The following SMIM14 variants were observed in gnomAD, a reference collection of about 807,000 sequenced individuals.
SMIM14 encodes the protein chromosome 4 open reading frame 34.
A neutral mutation model predicts 12.6 loss-of-function variants in SMIM14; 5 were observed. That is an observed-to-expected ratio of 0.40 (90% CI 0.21 to 0.83). The LOEUF (loss-of-function observed/expected upper bound fraction) is 0.83, where lower values mean the gene tolerates loss of function less well. Ranked by LOEUF, SMIM14 falls within the 40% of genes least tolerant of loss-of-function variation. SMIM14 has a pLI of 0.37. For synonymous variants in SMIM14, 30 were observed against 40.1 expected (o/e 0.75, Z 0.95); for missense variants, 86 against 119.1 (o/e 0.72, Z 1.29).
intron 3 of SMIM14, among the ~76,000 whole-genome samples, chr4:39,562,825 G>GTTTTTTTTTTTTTTTTTTT (rs1553861796): frequency 2.9e-4 from 37 of 128,080 alleles, no homozygotes; most frequent in African/African-American, 1.4e-3. Flanking sequence ...TGTATTTTTA[G>GTTTTTTTTTTTTTTTTTTT]TAGAGACGGT....
chr4:39,611,530 C>A lies in SMIM14; in HGVS notation c.-35-6350G>T, dbSNP rs970643820. On this transcript the variant is annotated intron_variant, in intron 1 of 4. Transcript: ENST00000295958. The stretch of plus-strand genomic sequence containing the variant: ...CAAAAAAAAAAAAAAAACAATTAGC[C>A]AGGAATGGTGGTATGCACCTGTAAT... 6.6e-5 allele frequency among the ~76,000 whole-genome samples: 10 copies of A among 151,262 alleles called. No individual in the cohort carries two copies. In the South Asian group the frequency reaches 1.3e-3, roughly 19 times the overall value.
intron 1 of SMIM14, among the ~76,000 whole-genome samples, chr4:39,611,000 AAATGAAAATAC>A (rs1397603615): frequency 6.6e-6 from 1 of 152,196 alleles, no homozygotes; most frequent in Non-Finnish European, 1.5e-5. Context: ...ATACACCATA[AAATGAAAATAC>A]AACAAACTTG....
At chr4:39,571,778 T>C (rs1250277663) in intron 3 of SMIM14, among the ~76,000 whole-genome samples, 1 of 151,836 alleles carries the variant, frequency 6.6e-6, no homozygotes, top group East Asian at 1.9e-4. Context: ...TCAACAGTGG[T>C]TATCTTTAAC....
rs555674320 is a variant in SMIM14, at chr4:39,584,542, T to G, written c.76-12079A>C. Among the ~76,000 whole-genome samples the G allele has an allele frequency of 2.8e-5, 4 of 142,926 alleles. No individual in the cohort carries two copies. In the East Asian group the frequency reaches 8.5e-4, roughly 30 times the overall value. The allele number at this position is 142,926 out of a possible 152,430, so 93.8% of individuals were successfully genotyped here. A position where few individuals can be genotyped will look rare whatever the true frequency, so the allele number is the denominator to read the frequency against. ...TGGGCGCAGTGGCTCATGCCTGTAT[T>G]CCCAATAATTTAGGAGGCCTAGGTG... On this transcript the variant is annotated intron_variant, in intron 2 of 4. Transcript: ENST00000295958.
At chr4:39,600,687 T>A (rs1277271346) in intron 2 of SMIM14, among the ~76,000 whole-genome samples, 2 of 150,350 alleles carry the variant, frequency 1.3e-5, no homozygotes, top group East Asian at 3.9e-4. Flanking sequence ...CGAAACTCCA[T>A]CTCAAGAAAA....
intron 2 of SMIM14, among the ~76,000 whole-genome samples, chr4:39,579,847 A>AAC (rs1713406405): frequency 6.6e-6 from 1 of 151,228 alleles, no homozygotes; most frequent in Non-Finnish European, 1.5e-5. Flanking sequence ...CCGTCTCAAA[A>AAC]AAAAAAAAAA....
chr4:39,592,066 T>A (rs182571714), intron 2 of SMIM14, among the ~76,000 whole-genome samples: 1 of 152,068 alleles, frequency 6.6e-6, no homozygotes, highest in Non-Finnish European at 1.5e-5. Flanking sequence ...CACAATGGTG[T>A]GTACCTGTAG....
intron 3 of SMIM14, among the ~76,000 whole-genome samples, chr4:39,572,129 T>C (rs561291416): frequency 6.6e-6 from 1 of 152,020 alleles, no homozygotes; most frequent in Admixed American, 6.6e-5. Flanking sequence ...ACTTATTTTA[T>C]AATGTTCTGC....
At chr4:39,637,511 T>C (rs1429672897) in intron 1 of SMIM14, among the ~76,000 whole-genome samples, 1 of 151,802 alleles carries the variant, frequency 6.6e-6, no homozygotes, top group African/African-American at 2.4e-5. Flanking sequence ...AACTATCACG[T>C]ACTGTTGTTC....
chr4:39,571,415 A>C (rs542883907), intron 3 of SMIM14, among the ~76,000 whole-genome samples: 22 of 152,058 alleles, frequency 1.4e-4, no homozygotes, highest in African/African-American at 5.3e-4. Context: ...GTGACTCTAC[A>C]AAAAATTCTA....
chr4:39,574,293 G>A (rs374588764), intron 2 of SMIM14, among the ~76,000 whole-genome samples: 2 of 142,546 alleles, frequency 1.4e-5, no homozygotes, highest in South Asian at 2.2e-4. Context: ...TCGCTCTGTC[G>A]CCCAGGCTGG....
At chr4:39,576,680 ATATATTTTTTTTTTTTTTTTTT>A (rs1560289749) in intron 2 of SMIM14, among the ~76,000 whole-genome samples, 19 of 30,630 alleles carry the variant, frequency 6.2e-4, no homozygotes, top group African/African-American at 2.7e-3. Flanking sequence ...ATATATATAT[ATATATTTTTTTTTTTTTTTTTT>A]TTTTTTTTTT....
intron 2 of SMIM14, among the ~76,000 whole-genome samples, chr4:39,603,742 G>A (rs1046978725): frequency 6.6e-6 from 1 of 152,080 alleles, no homozygotes; most frequent in African/African-American, 2.4e-5. Flanking sequence ...CAGGCGCAGT[G>A]GTTCACGCCT....
chr4:39,619,743 AAT>A lies in SMIM14; in HGVS notation c.-35-14565_-35-14564del, dbSNP rs1415600701. Among the ~76,000 whole-genome samples, 3 of 95,704 alleles carry A rather than the reference AAT, an allele frequency of 3.1e-5. No individual in the cohort carries two copies. The South Asian group carries it at 8.0e-4, about 25-fold the overall frequency. The allele number at this position is 95,704 out of a possible 152,430, so 62.8% of individuals were successfully genotyped here. A position where few individuals can be genotyped will look rare whatever the true frequency, so the allele number is the denominator to read the frequency against. Reference sequence around the variant, plus strand: ...ATAAATATAATTATATATATCAATAAATATAATTTATTATATATATATCAATA... The same window carrying A: ...ATAAATATAATTATATATATCAATAAATAATTTATTATATATATATCAATA... On this transcript the variant is annotated intron_variant, in intron 1 of 4. Coordinates refer to ENST00000295958, the MANE Select transcript of SMIM14 (RefSeq NM_174921.3).
intron 3 of SMIM14, among the ~76,000 whole-genome samples, chr4:39,567,535 G>A (rs913040184): frequency 1.3e-5 from 2 of 152,058 alleles, no homozygotes; most frequent in South Asian, 2.1e-4. Context: ...TCAGGAGTTC[G>A]AGACCAGCCT....
chr4:39,596,159 G>C (rs1714353202), intron 2 of SMIM14, among the ~76,000 whole-genome samples: 1 of 151,638 alleles, frequency 6.6e-6, no homozygotes, highest in Non-Finnish European at 1.5e-5. Context: ...GCAATGGCGT[G>C]ATCTCGGCTC....
chr4:39,571,558 G>A (rs1299071374), intron 3 of SMIM14, among the ~76,000 whole-genome samples: 2 of 151,530 alleles, frequency 1.3e-5, no homozygotes, highest in South Asian at 2.1e-4. Context: ...CAGTGTGGGC[G>A]ACAAAGCAAG....
chr4:39,552,642 C>T (rs532358691), intron 4 of SMIM14, among the ~76,000 whole-genome samples: 7 of 152,146 alleles, frequency 4.6e-5, no homozygotes, highest in Non-Finnish European at 1.0e-4. Context: ...CATCCTATAA[C>T]CCTAAGGGGA....
intron 1 of SMIM14, among the ~76,000 whole-genome samples, chr4:39,634,376 A>G (rs1443292953): frequency 3.3e-5 from 5 of 152,142 alleles, no homozygotes; most frequent in Admixed American, 2.6e-4. Flanking sequence ...AGTACTGAAC[A>G]CAATTCTAAA....
Sources: allele counts gnomAD v4.1 joint callset (sites outside exome capture counted in the v4.1 genomes callset), GRCh38; gene constraint gnomAD v4.1.1; transcripts MANE v1.5; gene names NCBI Gene and HGNC (gene_info 2026-07-23, HGNC 2026-07-21).